SCHIP1: variants seen among roughly 807,000 people sequenced by gnomAD.
The protein encoded by SCHIP1 is schwannomin interacting protein 1, also known as schwannomin-interacting protein 1.
Under a neutral mutation model 29.7 loss-of-function variants are expected in SCHIP1, and 8 were observed. The observed-to-expected ratio is 0.27, with a 90% CI of 0.16 to 0.49. The LOEUF (loss-of-function observed/expected upper bound fraction) is 0.49, where lower values mean the gene tolerates loss of function less well. Among genes scored for constraint, SCHIP1 ranks in the 20% least tolerant of loss-of-function variants. The pLI is 0.99. For synonymous variants in SCHIP1, 76 were observed against 94.9 expected (o/e 0.80, Z 1.16); for missense variants, 193 against 294.6 (o/e 0.66, Z 2.52).
At chr3:159,838,855 C>T (rs1007672994), upstream of SCHIP1, among the ~76,000 whole-genome samples, 17 of 149,522 alleles carry the variant, frequency 1.1e-4, no homozygotes, top group African/African-American at 4.2e-4. Flanking sequence ...GATCTCGCCA[C>T]TCGCCACTGC....
At chr3:159,424,573 C>T in the SCHIP1 span, among the ~76,000 whole-genome samples, 1 of 152,184 alleles carries the variant, frequency 6.6e-6, no homozygotes. Flanking sequence ...AACTGGTTTA[C>T]CTGAAAGTGA....
At chr3:159,415,492 C>A in the SCHIP1 span, among the ~76,000 whole-genome samples, 110 of 152,118 alleles carry the variant, frequency 7.2e-4, 1 homozygote, top group Non-Finnish European at 1.0e-3. Context: ...TTGTTCCCTT[C>A]TTTGTGTTTA....
chr3:159,861,291 C>CG lies in SCHIP1; in HGVS notation c.31-4871dup. Among the ~76,000 whole-genome samples, 1 of 151,302 alleles carries CG rather than the reference C, an allele frequency of 6.6e-6. No individual in the cohort carries two copies. Among genetic ancestry groups the CG allele is most frequent in the Admixed American group, 6.6e-5 (1 of 15,226 alleles). ...TAAGGGATGGGGCCATGCCATATGCCGAAAAAAAGGGTGGAAAGGTCCTGG... is the reference window on the plus strand; with the variant it reads ...TAAGGGATGGGGCCATGCCATATGCCGGAAAAAAAGGGTGGAAAGGTCCTGG... On this transcript the variant is annotated intron_variant, in intron 1 of 6. Transcript: ENST00000445224. This position sits in a 1 kb window ranked among gnomAD's most constrained non-coding sequence, Gnocchi z 4.1.
the SCHIP1 span, among the ~76,000 whole-genome samples, chr3:159,744,622 T>G: frequency 6.6e-6 from 1 of 152,178 alleles, no homozygotes; most frequent in Non-Finnish European, 1.5e-5. Context: ...CTCTGGAAGC[T>G]GGCATTCTAA....
chr3:159,328,528 T>C, the SCHIP1 span, among the ~76,000 whole-genome samples: 7 of 142,478 alleles, frequency 4.9e-5, no homozygotes, highest in South Asian at 2.3e-4. Flanking sequence ...ATCAGAGTCT[T>C]AAAAGATATG....
the SCHIP1 span, among the ~76,000 whole-genome samples, chr3:159,492,439 A>G: frequency 7.2e-5 from 11 of 152,228 alleles, no homozygotes; most frequent in Admixed American, 3.3e-4. Context: ...ACAGCACAAG[A>G]ACTACGTGAC....
chr3:159,788,264 G>C, the SCHIP1 span, among the ~76,000 whole-genome samples: 1 of 152,140 alleles, frequency 6.6e-6, no homozygotes, highest in South Asian at 2.1e-4. Flanking sequence ...TTGAGGCTAA[G>C]TTTTCAATTT....
At chr3:159,346,461 T>C in the SCHIP1 span, among the ~76,000 whole-genome samples, 1 of 152,046 alleles carries the variant, frequency 6.6e-6, no homozygotes. Context: ...AATGAAAGCA[T>C]ATTGTCAGTC....
chr3:159,732,622 G>A, the SCHIP1 span, among the ~76,000 whole-genome samples: 6 of 152,226 alleles, frequency 3.9e-5, no homozygotes, highest in Non-Finnish European at 8.8e-5. Flanking sequence ...CCTGTGGGGA[G>A]AAGGCAGCAA....
the SCHIP1 span, among the ~76,000 whole-genome samples, chr3:159,783,403 T>C: frequency 6.6e-6 from 1 of 152,200 alleles, no homozygotes; most frequent in Non-Finnish European, 1.5e-5. Context: ...GAAAGTTTCA[T>C]GGAAACTGCA....
At chr3:159,704,888 C>G in the SCHIP1 span, among the ~76,000 whole-genome samples, 1 of 76,992 alleles carries the variant, frequency 1.3e-5, no homozygotes, top group Non-Finnish European at 2.2e-5. Flanking sequence ...TTCTTTCTTT[C>G]TTTCTTTCTT....
At chr3:159,512,942 G>T in the SCHIP1 span, among the ~76,000 whole-genome samples, 1 of 152,146 alleles carries the variant, frequency 6.6e-6, no homozygotes, top group Non-Finnish European at 1.5e-5. Context: ...GCGAGAACAT[G>T]TGATGCTTAT....
the SCHIP1 span, among the ~76,000 whole-genome samples, chr3:159,427,483 T>C: frequency 6.6e-6 from 1 of 151,956 alleles, no homozygotes; most frequent in African/African-American, 2.4e-5. Flanking sequence ...GGAATCCAAC[T>C]TACAAGGGAT....
chr3:159,418,156 G>T, the SCHIP1 span, among the ~76,000 whole-genome samples: 2 of 152,156 alleles, frequency 1.3e-5, no homozygotes, highest in African/African-American at 4.8e-5. Context: ...GGCACAAAAA[G>T]ACCTACCTTT....
chr3:159,855,650 A>G (rs1393727055), intron 1 of SCHIP1, among the ~76,000 whole-genome samples: 1 of 149,560 alleles, frequency 6.7e-6, no homozygotes, highest in Non-Finnish European at 1.5e-5. Context: ...TATAAATATA[A>G]GTAAAAGTTG....
the SCHIP1 span, among the ~76,000 whole-genome samples, chr3:159,560,020 G>A: frequency 6.6e-6 from 1 of 152,242 alleles, no homozygotes; most frequent in Non-Finnish European, 1.5e-5. Context: ...AGTACACATT[G>A]TCTCTGCCTG....
chr3:159,620,915 G>A, the SCHIP1 span, among the ~76,000 whole-genome samples: 3 of 152,248 alleles, frequency 2.0e-5, no homozygotes, highest in Admixed American at 2.0e-4. Context: ...CCTAATCATG[G>A]AATTAGCCTG....
the SCHIP1 span, among the ~76,000 whole-genome samples, chr3:159,531,357 C>G: frequency 2.6e-5 from 4 of 152,204 alleles, no homozygotes; most frequent in African/African-American, 9.6e-5. Flanking sequence ...TCATTCCTTG[C>G]AAGACTCAAG....
the SCHIP1 span, among the ~76,000 whole-genome samples, chr3:159,759,926 C>T: frequency 6.6e-6 from 1 of 152,150 alleles, no homozygotes; most frequent in Non-Finnish European, 1.5e-5. Context: ...TCAAATGTTG[C>T]CTTTACAGAT....
Sources: gnomAD v4.1 joint callset for allele counts (sites outside exome capture counted in the v4.1 genomes callset) on GRCh38, gnomAD v4.1.1 for gene constraint, Gnocchi (gnomAD v3.1) non-coding constraint, MANE v1.5 for transcripts, NCBI Gene and HGNC (gene_info 2026-07-23, HGNC 2026-07-21) for gene names.